Variants in ZSCAN25 observed in about 807,000 individuals in gnomAD.
The protein encoded by ZSCAN25 is zinc finger and SCAN domain containing 25.
In ZSCAN25, 27 loss-of-function variants were observed where a neutral mutation model predicts 38.7. The ratio of observed to expected loss-of-function variants is 0.70; its 90% CI spans 0.51 to 0.96. The LOEUF is 0.96. Ranked by LOEUF, ZSCAN25 falls within the 40% of genes least tolerant of loss-of-function variation. The pLI, the probability that ZSCAN25 is intolerant of heterozygous loss-of-function variation, is 0.00. For missense variants in ZSCAN25, 637 were observed against 705.9 expected (o/e 0.90, Z 1.11); for synonymous variants, 273 against 277.7 (o/e 0.98, Z 0.17).
At chr7:99,662,994 A>G in the ZSCAN25 span, 7 of 1,512,236 alleles carry the variant, frequency 4.6e-6, no homozygotes, top group African/African-American at 1.4e-5. This position sits in a 1 kb window ranked among gnomAD's most constrained non-coding sequence, Gnocchi z 4.3. Context: ...CAACCTCCCT[A>G]TGGCTTCTTG....
chr7:99,639,738 G>A, the ZSCAN25 span, among the ~76,000 whole-genome samples: 1 of 152,300 alleles, frequency 6.6e-6, no homozygotes, highest in Admixed American at 6.5e-5. Flanking sequence ...CCAGATTCCA[G>A]TGGGTTGTAG....
chr7:99,735,222 T>A, the ZSCAN25 span: 1 of 1,294,538 alleles, frequency 7.7e-7, no homozygotes. Context: ...TTGGATTGTT[T>A]ATATGCTGGA....
chr7:99,660,788 G>T, the ZSCAN25 span: 1 of 1,129,982 alleles, frequency 8.8e-7, no homozygotes, highest in Non-Finnish European at 1.3e-6. Flanking sequence ...GTCACACTGG[G>T]AGTGGTTTTC....
the ZSCAN25 span, chr7:99,705,533 A>T: frequency 6.2e-7 from 1 of 1,613,752 alleles, no homozygotes; most frequent in East Asian, 2.2e-5. Context: ...CCCTTGACTC[A>T]GCCTTTAGAA....
At chr7:99,710,037 C>G in the ZSCAN25 span, among the ~76,000 whole-genome samples, 4 of 152,200 alleles carry the variant, frequency 2.6e-5, no homozygotes, top group African/African-American at 9.6e-5. Flanking sequence ...AAACAGTCTC[C>G]TAGTTGTTGC....
the ZSCAN25 span, among the ~76,000 whole-genome samples, chr7:99,681,081 C>T: frequency 6.6e-6 from 1 of 152,224 alleles, no homozygotes; most frequent in Non-Finnish European, 1.5e-5. Context: ...TGGCTTATTT[C>T]ACTTAACATG....
At chr7:99,718,022 C>T in the ZSCAN25 span, among the ~76,000 whole-genome samples, 1 of 151,124 alleles carries the variant, frequency 6.6e-6, no homozygotes, top group South Asian at 2.1e-4. Flanking sequence ...AAACCATGGG[C>T]AACATGAAAA....
At chr7:99,647,629 T>C in the ZSCAN25 span, 8 of 985,446 alleles carry the variant, frequency 8.1e-6, no homozygotes, top group African/African-American at 5.2e-5. Context: ...ACAAAAAATA[T>C]GTTCTTCAAA....
chr7:99,648,502 T>A, the ZSCAN25 span: 9 of 667,230 alleles, frequency 1.3e-5, no homozygotes, highest in Non-Finnish European at 1.7e-5. Context: ...TTTGCAAGCA[T>A]ATAAAAACGA....
the ZSCAN25 span, among the ~76,000 whole-genome samples, chr7:99,737,077 G>A: frequency 1.3e-5 from 2 of 152,266 alleles, no homozygotes; most frequent in Non-Finnish European, 2.9e-5. Context: ...GGAGAAGTAG[G>A]ATAAAAGTCC....
the ZSCAN25 span, among the ~76,000 whole-genome samples, chr7:99,731,570 G>A: frequency 6.6e-5 from 10 of 152,202 alleles, no homozygotes; most frequent in African/African-American, 2.4e-4. Flanking sequence ...GTCTTCTGCA[G>A]TGATGATGAG....
At chr7:99,640,283 A>G in the ZSCAN25 span, among the ~76,000 whole-genome samples, 1 of 152,062 alleles carries the variant, frequency 6.6e-6, no homozygotes, top group Non-Finnish European at 1.5e-5. Context: ...CTCAGCCCCC[A>G]GAGTAGCTGG....
the ZSCAN25 span, chr7:99,695,610 C>T: frequency 8.1e-6 from 6 of 737,964 alleles, no homozygotes; most frequent in Non-Finnish European, 1.3e-5. Context: ...TTGCCATGCT[C>T]TGGATGATGC....
At chr7:99,677,207 T>A in the ZSCAN25 span, 1 of 985,402 alleles carries the variant, frequency 1.0e-6, no homozygotes, top group Non-Finnish European at 1.2e-6. Flanking sequence ...CTTGCAGACC[T>A]TCCCCCTCCG....
the ZSCAN25 span, among the ~76,000 whole-genome samples, chr7:99,721,788 T>G: frequency 6.6e-6 from 1 of 152,096 alleles, no homozygotes; most frequent in Non-Finnish European, 1.5e-5. Flanking sequence ...TGTGTGTGAT[T>G]AAAAACCTTG....
chr7:99,657,719 A>G, the ZSCAN25 span, among the ~76,000 whole-genome samples: 1 of 151,950 alleles, frequency 6.6e-6, no homozygotes, highest in Non-Finnish European at 1.5e-5. Flanking sequence ...TGGGAGTCTA[A>G]CTCTCTTTGT....
chr7:99,634,932 ACT>A (rs763760179), downstream of ZSCAN25, among the ~76,000 whole-genome samples: 1 of 152,064 alleles, frequency 6.6e-6, no homozygotes, highest in Non-Finnish European at 1.5e-5. Flanking sequence ...ACAGAGCGAG[ACT>A]CTGTCTCAAT....
the ZSCAN25 span, among the ~76,000 whole-genome samples, chr7:99,667,282 T>G: frequency 6.6e-6 from 1 of 152,224 alleles, no homozygotes; most frequent in Non-Finnish European, 1.5e-5. Context: ...CCCAGCCATC[T>G]GGTGTGGTCT....
chr7:99,666,816 CATAAAG>C, the ZSCAN25 span: 8 of 1,581,638 alleles, frequency 5.1e-6, no homozygotes, highest in East Asian at 6.8e-5. Context: ...CTTTTCTGTA[CATAAAG>C]ATAAAAGACC....
Sources: gnomAD v4.1 joint callset for allele counts (sites outside exome capture counted in the v4.1 genomes callset) on GRCh38, gnomAD v4.1.1 for gene constraint, Gnocchi (gnomAD v3.1) non-coding constraint, MANE v1.5 for transcripts, NCBI Gene and HGNC (gene_info 2026-07-23, HGNC 2026-07-21) for gene names.